The following TSHZ2 variants were observed in gnomAD, a reference collection of about 807,000 sequenced individuals.
TSHZ2 encodes the protein teashirt homolog 2.
Under a neutral mutation model 74.4 loss-of-function variants are expected in TSHZ2, and 21 were observed. The ratio of observed to expected loss-of-function variants is 0.28; its 90% CI spans 0.20 to 0.41. The LOEUF is 0.41. Ranked by LOEUF, TSHZ2 falls within the 10% of genes least tolerant of loss-of-function variation. The pLI, the probability that TSHZ2 is intolerant of heterozygous loss-of-function variation, is 1.00. For missense variants in TSHZ2, 1,244 were observed against 1,293.5 expected (o/e 0.96, Z 0.59); for synonymous variants, 540 against 515.3 (o/e 1.05, Z -0.65).
chr20:52,979,924 C>G (rs930013032), intron 1 of TSHZ2, among the ~76,000 whole-genome samples: 5 of 152,158 alleles, frequency 3.3e-5, no homozygotes, highest in Admixed American at 2.0e-4. Flanking sequence ...ATACCTGGAT[C>G]ATATTTGAAA....
At chr20:53,370,693 G>A (rs1981435796) in intron 2 of TSHZ2, among the ~76,000 whole-genome samples, 1 of 152,148 alleles carries the variant, frequency 6.6e-6, no homozygotes, top group Admixed American at 6.5e-5. Context: ...GAGGCCAGGA[G>A]TTCAAGGCTG....
At chr20:53,379,450 T>C (rs561720796) in intron 2 of TSHZ2, among the ~76,000 whole-genome samples, 26 of 152,124 alleles carry the variant, frequency 1.7e-4, no homozygotes, top group African/African-American at 6.3e-4. Context: ...TTAATTAAGT[T>C]GTCACTCAGA....
Position 52,973,123 on chromosome 20 carries a change from C to A in TSHZ2, c.-171C>A. The A allele has an allele frequency of 6.4e-6, 5 of 777,256 alleles. No individual in the cohort carries two copies. Among genetic ancestry groups the A allele is most frequent in the Middle Eastern group, 3.4e-4 (1 of 2,934 alleles). The allele number at this position is 777,256 out of a possible 1,614,324, so 48.1% of individuals were successfully genotyped here. ...GCCACCCAGAGAGGGGGGTCTCTGG[C>A]CCGTGGTGGAGGAGTTGCAGGGGGG... On this transcript the variant is annotated 5_prime_UTR_variant, in exon 1 of 3. Coordinates refer to ENST00000371497, the MANE Select transcript of TSHZ2 (RefSeq NM_173485.6).
chr20:53,445,611 A>G (rs1984517228), intron 2 of TSHZ2, among the ~76,000 whole-genome samples: 1 of 152,188 alleles, frequency 6.6e-6, no homozygotes, highest in Admixed American at 6.5e-5. Context: ...AAAGTGGCCA[A>G]TTCGAAGATG....
At chr20:53,227,314 A>G (rs2123659247) in intron 1 of TSHZ2, among the ~76,000 whole-genome samples, 2 of 152,212 alleles carry the variant, frequency 1.3e-5, no homozygotes, top group South Asian at 4.1e-4. Context: ...TTGTATAAAC[A>G]TATTTGGTGA....
At chr20:53,170,033 C>G (rs376930589) in intron 1 of TSHZ2, among the ~76,000 whole-genome samples, 1 of 152,182 alleles carries the variant, frequency 6.6e-6, no homozygotes, top group East Asian at 1.9e-4. Context: ...TTCAAGAATG[C>G]TACAAGAATA....
chr20:53,011,118 A>C (rs1982835210), intron 1 of TSHZ2, among the ~76,000 whole-genome samples: 1 of 152,196 alleles, frequency 6.6e-6, no homozygotes, highest in African/African-American at 2.4e-5. Flanking sequence ...TCAGGGAAAA[A>C]ATATACTGAT....
At chr20:53,446,704 T>C (rs1031486524) in intron 2 of TSHZ2, among the ~76,000 whole-genome samples, 1 of 152,116 alleles carries the variant, frequency 6.6e-6, no homozygotes, top group Non-Finnish European at 1.5e-5. Context: ...CATGAATTCA[T>C]AAATTCTCAT....
At chr20:53,317,775 C>CA (rs1487995957) in intron 2 of TSHZ2, among the ~76,000 whole-genome samples, 2 of 152,168 alleles carry the variant, frequency 1.3e-5, no homozygotes, top group African/African-American at 4.8e-5. Flanking sequence ...CATTGCCGAT[C>CA]AAAAACCCTC....
intron 1 of TSHZ2, among the ~76,000 whole-genome samples, chr20:53,018,203 G>A (rs1369586522): frequency 1.3e-5 from 2 of 152,132 alleles, no homozygotes; most frequent in African/African-American, 2.4e-5. Flanking sequence ...GCCTCAAGAC[G>A]GCAGCTAGAA....
intron 1 of TSHZ2, among the ~76,000 whole-genome samples, chr20:53,153,771 C>T (rs1987729160): frequency 2.0e-5 from 3 of 152,168 alleles, no homozygotes; most frequent in Admixed American, 1.3e-4. Flanking sequence ...TTCCAAAACT[C>T]AGCAGCTTAA....
At chr20:53,463,721 G>A (rs1985472994) in intron 2 of TSHZ2, among the ~76,000 whole-genome samples, 2 of 152,150 alleles carry the variant, frequency 1.3e-5, no homozygotes, top group African/African-American at 2.4e-5. Flanking sequence ...TTGGGGAGTA[G>A]GGCCCAGGCA....
rs571217944 is a variant in TSHZ2, at chr20:53,325,426, T to C, written c.*8+68855T>C. On this transcript the variant is annotated intron_variant, in intron 2 of 2. Coordinates refer to ENST00000371497, the MANE Select transcript of TSHZ2 (RefSeq NM_173485.6). Reference sequence around the variant, plus strand: ...AGCCCTGGGGAAGAAGCTGCATGTGTGGACATTGAAGCAGGCCTGGGAGAG... The same window carrying C: ...AGCCCTGGGGAAGAAGCTGCATGTGCGGACATTGAAGCAGGCCTGGGAGAG... 2.0e-4 allele frequency among the ~76,000 whole-genome samples: 31 copies of C among 152,298 alleles called. No individual in the cohort carries two copies. In the East Asian group the frequency reaches 5.8e-3, roughly 28 times the overall value.
At chr20:53,067,951 T>C (rs1457355834) in intron 1 of TSHZ2, among the ~76,000 whole-genome samples, 1 of 152,212 alleles carries the variant, frequency 6.6e-6, no homozygotes, top group Non-Finnish European at 1.5e-5. Flanking sequence ...TTTCTGGTTG[T>C]GGCCAGCAAT....
intron 1 of TSHZ2, among the ~76,000 whole-genome samples, chr20:53,117,625 G>A (rs1986705939): frequency 6.6e-6 from 1 of 152,214 alleles, no homozygotes; most frequent in African/African-American, 2.4e-5. Flanking sequence ...GGAGCCAGTT[G>A]TGCAAATATT....
At chr20:53,476,475 A>T (rs900143144) in intron 2 of TSHZ2, among the ~76,000 whole-genome samples, 1 of 151,916 alleles carries the variant, frequency 6.6e-6, no homozygotes, top group African/African-American at 2.4e-5. Context: ...CGTGCTAAAA[A>T]CTCTCAATAA....
chr20:53,275,139 G>C (rs1990917253), intron 2 of TSHZ2, among the ~76,000 whole-genome samples: 1 of 152,078 alleles, frequency 6.6e-6, no homozygotes, highest in Non-Finnish European at 1.5e-5. Context: ...CTTGCACTTT[G>C]ACAAGTGCAA....
At chr20:53,298,286 C>T (rs1433625581) in intron 2 of TSHZ2, among the ~76,000 whole-genome samples, 5 of 152,302 alleles carry the variant, frequency 3.3e-5, no homozygotes, top group Middle Eastern at 3.4e-3. Flanking sequence ...AGAACAAACA[C>T]GTAAACAAAA....
chr20:52,979,201 A>G (rs544485773), intron 1 of TSHZ2, among the ~76,000 whole-genome samples: 1 of 151,754 alleles, frequency 6.6e-6, no homozygotes, highest in African/African-American at 2.4e-5. Flanking sequence ...TTTTCCTCCT[A>G]CTGACCTTTC....
Sources: gnomAD v4.1 joint callset for allele counts (sites outside exome capture counted in the v4.1 genomes callset) on GRCh38, gnomAD v4.1.1 for gene constraint, MANE v1.5 for transcripts, NCBI Gene and HGNC (gene_info 2026-07-23, HGNC 2026-07-21) for gene names.